The following PHACTR4 variants were observed in gnomAD, a reference collection of about 807,000 sequenced individuals.
The protein encoded by PHACTR4 is protein phosphatase 1, regulatory subunit 124.
A neutral mutation model predicts 72.7 loss-of-function variants in PHACTR4; 51 were observed. The ratio of observed to expected loss-of-function variants is 0.70; its 90% CI spans 0.56 to 0.89. The LOEUF (loss-of-function observed/expected upper bound fraction) is 0.89. PHACTR4 is among the 40% of genes least tolerant of loss of function. The pLI is 0.00. For synonymous variants in PHACTR4, 255 were observed against 302.5 expected (o/e 0.84, Z 1.63); for missense variants, 731 against 861.8 (o/e 0.85, Z 1.90).
chr1:28,457,917 G>GTT, intron 2 of PHACTR4: 1 of 951,334 alleles, frequency 1.1e-6, no homozygotes, highest in South Asian at 4.9e-5. Context: ...CCTTCCTGCT[G>GTT]GTTTTTTTTT....
intron 2 of PHACTR4, chr1:28,457,783 T>C (rs1468641281): frequency 1.0e-6 from 1 of 975,712 alleles, no homozygotes; most frequent in Non-Finnish European, 1.2e-6. Flanking sequence ...GGTTCCACTT[T>C]AATTTCAGGA....
intron 1 of PHACTR4, among the ~76,000 whole-genome samples, chr1:28,396,100 T>C (rs948792422): frequency 4.6e-5 from 7 of 151,898 alleles, no homozygotes; most frequent in Non-Finnish European, 2.9e-5. Flanking sequence ...TAACTGCTTT[T>C]ATTTGTAGCT....
chr1:28,423,383 T>C (rs912449119), intron 2 of PHACTR4, among the ~76,000 whole-genome samples: 4 of 151,556 alleles, frequency 2.6e-5, no homozygotes, highest in African/African-American at 9.7e-5. Flanking sequence ...CACTCCAGCC[T>C]GGGCAACAGA....
intron 1 of PHACTR4, among the ~76,000 whole-genome samples, chr1:28,373,251 G>T (rs921463138): frequency 1.3e-5 from 2 of 151,908 alleles, no homozygotes; most frequent in African/African-American, 4.8e-5. Flanking sequence ...GAGCCAGTGT[G>T]TCTAGCTATA....
At chr1:28,455,937 T>C (rs1278166073) in intron 2 of PHACTR4, among the ~76,000 whole-genome samples, 2 of 152,114 alleles carry the variant, frequency 1.3e-5, no homozygotes, top group Admixed American at 6.5e-5. Context: ...AAAGTGAAAA[T>C]CAAGCACATT....
intron 1 of PHACTR4, among the ~76,000 whole-genome samples, chr1:28,397,862 A>AT (rs1374507755): frequency 7.3e-5 from 11 of 151,432 alleles, no homozygotes; most frequent in African/African-American, 1.7e-4. Context: ...TGCCCTGCTA[A>AT]TTTTTTGTTG....
chr1:28,476,269 A>C lies in PHACTR4; in HGVS notation c.1584A>C (p.Glu528Asp), dbSNP rs1570074305. The change falls in exon 8 of 14, where the codon GAA (glutamate) becomes GAC (aspartate). Residue 528 changes from glutamate (E) to aspartate (D), a missense_variant. Around this residue, in one of 2 missense-constraint regions of PHACTR4, gnomAD observed 621 missense variants for 676.6 expected, o/e 0.92. Transcript: ENST00000373839. ...SEGPIQYRDE[E>D]DEDESYQSAL... Reference sequence around the variant, plus strand: ...GTCCCATTCAGTACCGAGATGAAGAAGATGAAGATGAAAGCTATCAGAGTA... The same window carrying C: ...GTCCCATTCAGTACCGAGATGAAGACGATGAAGATGAAAGCTATCAGAGTA... 1 of 1,600,768 alleles carries C rather than the reference A, an allele frequency of 6.2e-7. No homozygotes were observed. The highest frequency in any genetic ancestry group is 2.2e-5 in the East Asian group (1 of 44,606).
chr1:28,436,676 T>C lies in PHACTR4; in HGVS notation c.17-22409T>C, dbSNP rs1255916786. Among the ~76,000 whole-genome samples, 4 of 152,340 alleles carry C rather than the reference T, an allele frequency of 2.6e-5. No homozygotes were observed. In the East Asian group the frequency reaches 7.7e-4, roughly 29 times the overall value. ...TGTGGAGGTTATGTTAAGGTTGTGT[T>C]ATGTGTGTCTTTTTTACATTTAGAA... is the stretch of plus-strand genomic sequence containing the variant. On this transcript the variant is annotated intron_variant, in intron 2 of 13. Transcript: ENST00000373839.
At chr1:28,372,643 G>A (rs1651331370) in intron 1 of PHACTR4, among the ~76,000 whole-genome samples, 1 of 152,016 alleles carries the variant, frequency 6.6e-6, no homozygotes, top group African/African-American at 2.4e-5. Flanking sequence ...CCTAAGGTCA[G>A]GTGTTCGAGA....
chr1:28,392,491 C>T (rs1309038497), intron 1 of PHACTR4, among the ~76,000 whole-genome samples: 1 of 151,884 alleles, frequency 6.6e-6, no homozygotes, highest in Non-Finnish European at 1.5e-5. Flanking sequence ...CAACCTCCAC[C>T]TCCTGAGCTC....
At chr1:28,382,677 C>A (rs796899999) in intron 1 of PHACTR4, among the ~76,000 whole-genome samples, 1 of 151,886 alleles carries the variant, frequency 6.6e-6, no homozygotes, top group African/African-American at 2.4e-5. Context: ...TTTGTAGTTT[C>A]GGGTTTTACA....
At chr1:28,408,110 ACT>A (rs1298343772) in intron 2 of PHACTR4, among the ~76,000 whole-genome samples, 3 of 152,214 alleles carry the variant, frequency 2.0e-5, no homozygotes, top group Admixed American at 1.3e-4. Context: ...ACAGAGCAAG[ACT>A]CTGTCTCAAA....
At chr1:28,397,905 G>C (rs923163468) in intron 1 of PHACTR4, among the ~76,000 whole-genome samples, 1 of 151,732 alleles carries the variant, frequency 6.6e-6, no homozygotes, top group Non-Finnish European at 1.5e-5. Flanking sequence ...AGTAGAAACG[G>C]GTTTTCACCA....
At chr1:28,369,892 G>C (rs1336552099) in intron 1 of PHACTR4, 67 bp downstream of exon 1, 13 of 408,466 alleles carry the variant, frequency 3.2e-5, no homozygotes, top group Admixed American at 3.1e-4. Flanking sequence ...CTCCTCTCAG[G>C]CTGCGGCCCC....
chr1:28,379,853 T>C (rs1041326439), intron 1 of PHACTR4, among the ~76,000 whole-genome samples: 3 of 151,740 alleles, frequency 2.0e-5, no homozygotes, highest in Non-Finnish European at 4.4e-5. Context: ...CCTCCCAAAG[T>C]GCTGGGATTA....
intron 2 of PHACTR4, among the ~76,000 whole-genome samples, chr1:28,444,829 G>C (rs1287230458): frequency 7.1e-6 from 1 of 140,338 alleles, no homozygotes; most frequent in Non-Finnish European, 1.5e-5. Context: ...GGGTTTCACC[G>C]TGTTAGCCAG....
intron 1 of PHACTR4, among the ~76,000 whole-genome samples, chr1:28,385,986 A>G (rs1164698160): frequency 6.6e-6 from 1 of 152,116 alleles, no homozygotes; most frequent in African/African-American, 2.4e-5. Flanking sequence ...GTTTACTATG[A>G]TTTCAGTTCT....
intron 1 of PHACTR4, among the ~76,000 whole-genome samples, chr1:28,373,017 C>T (rs913431398): frequency 7.2e-5 from 11 of 151,932 alleles, no homozygotes; most frequent in African/African-American, 2.7e-4. Flanking sequence ...GAGTAAAATG[C>T]TATGATCATG....
At chr1:28,390,394 C>A (rs746273069) in intron 1 of PHACTR4, among the ~76,000 whole-genome samples, 26 of 152,294 alleles carry the variant, frequency 1.7e-4, no homozygotes, top group Non-Finnish European at 7.4e-5. Context: ...TATATTAACA[C>A]CACCAAGGCT....
Sources: gnomAD v4.1 joint callset for allele counts (sites outside exome capture counted in the v4.1 genomes callset) on GRCh38, gnomAD v4.1.1 for gene constraint, gnomAD v4.1.1 regional missense constraint, MANE v1.5 for transcripts, NCBI Gene and HGNC (gene_info 2026-07-23, HGNC 2026-07-21) for gene names.